COL21A1: variants seen among roughly 807,000 people sequenced by gnomAD.
The protein encoded by COL21A1 is collagen type XXI alpha 1 chain.
COL21A1 carries 149 observed loss-of-function variants against 137.9 expected under a neutral mutation model. That is an observed-to-expected ratio of 1.08 (90% confidence interval 0.95 to 1.24). COL21A1 has a LOEUF of 1.24. Among genes scored for constraint, COL21A1 ranks in the 50% most tolerant of loss-of-function variants. COL21A1 has a pLI of 0.00. For missense variants in COL21A1, 1,167 were observed against 1,158.4 expected (o/e 1.01, Z -0.11); for synonymous variants, 456 against 391.5 (o/e 1.16, Z -1.95).
intron 16 of COL21A1, among the ~76,000 whole-genome samples, chr6:56,119,971 G>C (rs1403850055): frequency 1.3e-5 from 2 of 152,068 alleles, no homozygotes; most frequent in African/African-American, 4.8e-5. Context: ...AAAAACATTG[G>C]GGGAAATCTC....
chr6:56,069,079 T>C lies in COL21A1; in HGVS notation c.2058A>G (p.Gly686=), dbSNP rs189084308. 1 of 1,600,378 alleles carries C rather than the reference T, an allele frequency of 6.2e-7. No individual in the cohort carries two copies. The highest frequency in any genetic ancestry group is 1.3e-5 in the African/African-American group (1 of 74,212). The change falls in exon 22 of 30, where the codon GGA becomes GGG. Residue 686 remains glycine (G), a synonymous_variant. Transcript: ENST00000244728. The stretch of plus-strand genomic sequence containing the variant: ...CTTGAATCCCGGGTAAACCCATGTA[T>C]CCTGGTTCTCCTGGGGAACCCGTTG... ...PGATGSPGEP[G]YMGLPGIQGK...
intron 1 of COL21A1, among the ~76,000 whole-genome samples, chr6:56,317,703 C>G (rs567747617): frequency 1.6e-4 from 25 of 152,064 alleles, no homozygotes; most frequent in Non-Finnish European, 3.2e-4. Flanking sequence ...TGACTACCAC[C>G]TCGTATATCT....
At chr6:56,203,862 G>A (rs945248510) in intron 1 of COL21A1, among the ~76,000 whole-genome samples, 1 of 152,132 alleles carries the variant, frequency 6.6e-6, no homozygotes, top group Admixed American at 6.5e-5. Context: ...GAAGTGCAAG[G>A]GGTCAGGGGA....
chr6:56,185,529 G>A (rs1582588527), intron 1 of COL21A1, among the ~76,000 whole-genome samples: 1 of 141,470 alleles, frequency 7.1e-6, no homozygotes, highest in Non-Finnish European at 1.5e-5. Flanking sequence ...TCCGCTTCCC[G>A]GGTTCACGCC....
At chr6:56,310,308 T>C (rs980590833) in intron 1 of COL21A1, among the ~76,000 whole-genome samples, 5 of 152,180 alleles carry the variant, frequency 3.3e-5, no homozygotes, top group Non-Finnish European at 5.9e-5. Context: ...GTTTTAAAGC[T>C]GGGGGTCTCA....
intron 17 of COL21A1, among the ~76,000 whole-genome samples, chr6:56,098,576 A>AATATATAAAT: frequency 1.3e-4 from 1 of 7,754 alleles, no homozygotes; most frequent in South Asian, 3.8e-3. Context: ...AATATATATA[A>AATATATAAAT]ATATATATAA....
At chr6:56,321,059 A>C (rs1348352082) in intron 1 of COL21A1, among the ~76,000 whole-genome samples, 1 of 152,192 alleles carries the variant, frequency 6.6e-6, no homozygotes, top group Non-Finnish European at 1.5e-5. Context: ...GAAAATAATA[A>C]GTAGCTCATC....
At chr6:56,331,006 G>T (rs1765208452) in intron 1 of COL21A1, among the ~76,000 whole-genome samples, 1 of 151,994 alleles carries the variant, frequency 6.6e-6, no homozygotes, top group Non-Finnish European at 1.5e-5. Context: ...GTGTAGGATG[G>T]TATCTCATTG....
chr6:56,351,950 C>T (rs1765719919), intron 1 of COL21A1, among the ~76,000 whole-genome samples: 1 of 151,786 alleles, frequency 6.6e-6, no homozygotes, highest in African/African-American at 2.4e-5. Context: ...ATAGGGGGAC[C>T]AAAAAACTCA....
At chr6:56,268,542 T>C (rs1329828886) in intron 1 of COL21A1, among the ~76,000 whole-genome samples, 2 of 152,188 alleles carry the variant, frequency 1.3e-5, no homozygotes, top group African/African-American at 2.4e-5. Context: ...TGTCAATATA[T>C]ACCCCTGTGA....
intron 1 of COL21A1, among the ~76,000 whole-genome samples, chr6:56,392,093 C>T (rs560084949): frequency 1.1e-4 from 16 of 151,984 alleles, no homozygotes; most frequent in Admixed American, 7.9e-4. Flanking sequence ...TGAACATAGA[C>T]GCAACAAAAT....
intron 1 of COL21A1, among the ~76,000 whole-genome samples, chr6:56,392,336 A>G (rs1183845254): frequency 1.3e-5 from 2 of 152,184 alleles, no homozygotes; most frequent in Admixed American, 1.3e-4. Context: ...TATAGAAGGA[A>G]CATACCTCAA....
chr6:56,085,735 C>G lies in COL21A1; in HGVS notation c.1813-8162G>C, dbSNP rs561186262. ...AATCTAGTTTCTTGGGCTTTGACCC[C>G]AAATTTTGATTTATCAGGAGCAGAA... On this transcript the variant is annotated intron_variant, in intron 17 of 29. Transcript: ENST00000244728. Among the ~76,000 whole-genome samples the G allele has an allele frequency of 1.8e-3, 274 of 151,850 alleles. 6 individuals carry two copies. The highest frequency in any genetic ancestry group is 0.016 in the South Asian group (78 of 4,810).
intron 12 of COL21A1, among the ~76,000 whole-genome samples, chr6:56,136,761 T>C (rs1774035571): frequency 6.6e-6 from 1 of 152,172 alleles, no homozygotes; most frequent in Non-Finnish European, 1.5e-5. Context: ...TATATATGAG[T>C]CTACATGTCC....
intron 1 of COL21A1, among the ~76,000 whole-genome samples, chr6:56,255,662 G>C (rs1782951876): frequency 3.3e-5 from 5 of 152,170 alleles, no homozygotes; most frequent in Admixed American, 3.3e-4. Flanking sequence ...TACTTACAAG[G>C]ATGCCAAGTT....
chr6:56,165,983 T>C (rs1006633252), intron 7 of COL21A1, among the ~76,000 whole-genome samples: 2 of 151,698 alleles, frequency 1.3e-5, no homozygotes, highest in East Asian at 3.9e-4. Context: ...CTCATAATCT[T>C]TTTCCTCCTA....
chr6:56,222,267 C>G (rs1351548502), intron 1 of COL21A1, among the ~76,000 whole-genome samples: 1 of 151,692 alleles, frequency 6.6e-6, no homozygotes, highest in African/African-American at 2.4e-5. Flanking sequence ...GAGTGAAATT[C>G]CGTCTCAAAA....
chr6:56,152,622 A>G (rs1775410698), intron 10 of COL21A1, among the ~76,000 whole-genome samples: 4 of 152,178 alleles, frequency 2.6e-5, no homozygotes, highest in Admixed American at 2.6e-4. Flanking sequence ...AATATCCATG[A>G]GTATTATATC....
intron 1 of COL21A1, among the ~76,000 whole-genome samples, chr6:56,372,895 G>C (rs113343309): frequency 6.6e-6 from 1 of 152,148 alleles, no homozygotes; most frequent in African/African-American, 2.4e-5. Context: ...TTGGTGAGGC[G>C]TGTGCCCTCC....
Sources: allele counts gnomAD v4.1 joint callset (sites outside exome capture counted in the v4.1 genomes callset), GRCh38; gene constraint gnomAD v4.1.1; transcripts MANE v1.5; gene names NCBI Gene and HGNC (gene_info 2026-07-23, HGNC 2026-07-21).